Variants in CPQ observed in about 807,000 individuals in gnomAD.
CPQ encodes carboxypeptidase Q.
CPQ carries 37 observed loss-of-function variants against 45.7 expected under a neutral mutation model. The ratio of observed to expected loss-of-function variants is 0.81; its 90% CI spans 0.62 to 1.07. The LOEUF (loss-of-function observed/expected upper bound fraction) is 1.07, where lower values mean the gene tolerates loss of function less well. Ranked by LOEUF, CPQ falls within the 50% of genes least tolerant of loss-of-function variation. CPQ has a pLI of 0.00. For missense variants in CPQ, 537 were observed against 572.9 expected, an observed-to-expected ratio of 0.94 and a Z score of 0.64; for synonymous variants, 186 against 205.8, an observed-to-expected ratio of 0.90 and a Z score of 0.82.
intron 5 of CPQ, among the ~76,000 whole-genome samples, chr8:97,005,675 T>A (rs1190680160): frequency 2.0e-5 from 3 of 152,132 alleles, no homozygotes; most frequent in Non-Finnish European, 4.4e-5. Flanking sequence ...CCTAAACTAT[T>A]CTACGCAAGT....
intron 4 of CPQ, among the ~76,000 whole-genome samples, chr8:96,910,343 A>G (rs1812641929): frequency 6.6e-6 from 1 of 152,114 alleles, no homozygotes; most frequent in Non-Finnish European, 1.5e-5. Flanking sequence ...ACCCTTTGCT[A>G]CCTTTCTCCA....
chr8:96,714,804 TG>T (rs1422780604), intron 1 of CPQ, among the ~76,000 whole-genome samples: 1 of 152,164 alleles, frequency 6.6e-6, no homozygotes, highest in Non-Finnish European at 1.5e-5. Context: ...TTGATTCTAC[TG>T]TGTTTTCTTT....
intron 7 of CPQ, among the ~76,000 whole-genome samples, chr8:97,132,177 A>C (rs1187054363): frequency 6.6e-6 from 1 of 152,194 alleles, no homozygotes; most frequent in Non-Finnish European, 1.5e-5. Flanking sequence ...TGGATGTTAT[A>C]AACTCATCAG....
chr8:97,076,879 T>A (rs1223610011), intron 7 of CPQ, among the ~76,000 whole-genome samples: 1 of 152,192 alleles, frequency 6.6e-6, no homozygotes, highest in Non-Finnish European at 1.5e-5. Context: ...AATCTGCATA[T>A]AACTTTTGAC....
At chr8:96,910,613 T>G (rs1812647220) in intron 4 of CPQ, among the ~76,000 whole-genome samples, 1 of 152,166 alleles carries the variant, frequency 6.6e-6, no homozygotes, top group African/African-American at 2.4e-5. Flanking sequence ...CATGCCATTC[T>G]CCTGCCTCAG....
chr8:96,906,697 C>G (rs1812582028), intron 4 of CPQ, among the ~76,000 whole-genome samples: 1 of 152,042 alleles, frequency 6.6e-6, no homozygotes, highest in Non-Finnish European at 1.5e-5. Context: ...TATGTGTCCT[C>G]CTGTGGTGGA....
intron 2 of CPQ, among the ~76,000 whole-genome samples, chr8:96,787,834 G>GTCACTTGCTGTCAC (rs373842519): frequency 6.6e-6 from 1 of 150,534 alleles, no homozygotes; most frequent in African/African-American, 2.4e-5. Flanking sequence ...CATGTAATTT[G>GTCACTTGCTGTCAC]TTGGTATACA....
intron 1 of CPQ, among the ~76,000 whole-genome samples, chr8:96,723,612 C>A (rs1042196562): frequency 6.6e-6 from 1 of 152,062 alleles, no homozygotes; most frequent in Non-Finnish European, 1.5e-5. Context: ...TTTTTAGTAT[C>A]CTTGAGGACT....
chr8:96,967,648 G>C (rs1395813896), intron 5 of CPQ, among the ~76,000 whole-genome samples: 1 of 151,976 alleles, frequency 6.6e-6, no homozygotes, highest in Non-Finnish European at 1.5e-5. Flanking sequence ...CTTTAATTTG[G>C]GACTTAAATC....
chr8:96,786,675 C>T (rs1810772606), intron 2 of CPQ, among the ~76,000 whole-genome samples: 2 of 152,086 alleles, frequency 1.3e-5, no homozygotes, highest in Admixed American at 6.6e-5. Context: ...CATATGCTTG[C>T]CAACACTTGT....
chr8:96,975,812 C>T (rs1297949735), intron 5 of CPQ, among the ~76,000 whole-genome samples: 1 of 152,012 alleles, frequency 6.6e-6, no homozygotes. Flanking sequence ...GATTAAAACC[C>T]TGAGCAAAAT....
chr8:96,879,215 T>C (rs373665896), intron 3 of CPQ, among the ~76,000 whole-genome samples: 1 of 152,208 alleles, frequency 6.6e-6, no homozygotes, highest in Non-Finnish European at 1.5e-5. Context: ...GGCAGTAAAA[T>C]TAAAGGCCTG....
chr8:96,895,650 A>G (rs115219122), intron 4 of CPQ, among the ~76,000 whole-genome samples: 4,906 of 152,264 alleles, frequency 0.032, 123 homozygotes, highest in African/African-American at 0.057. Flanking sequence ...GGAAGAGGTT[A>G]ACATGGTTTC....
intron 1 of CPQ, among the ~76,000 whole-genome samples, chr8:96,660,244 G>T (rs1412240277): frequency 6.6e-6 from 1 of 152,084 alleles, no homozygotes; most frequent in East Asian, 1.9e-4. Flanking sequence ...CTTGCACGTG[G>T]CCATCTTTTC....
chr8:96,920,051 G>A (rs1476927784), intron 4 of CPQ, among the ~76,000 whole-genome samples: 2 of 152,194 alleles, frequency 1.3e-5, no homozygotes, highest in East Asian at 3.8e-4. Flanking sequence ...TATAAAATAT[G>A]TAAAACAGCA....
At chr8:97,051,219 CT>C (rs1403954875) in intron 6 of CPQ, among the ~76,000 whole-genome samples, 10 of 152,156 alleles carry the variant, frequency 6.6e-5, no homozygotes, top group Non-Finnish European at 1.0e-4. Context: ...CTTTGGTAAT[CT>C]GGTGAAACCT....
intron 2 of CPQ, among the ~76,000 whole-genome samples, chr8:96,805,608 T>C (rs1273536561): frequency 6.6e-6 from 1 of 152,196 alleles, no homozygotes; most frequent in Non-Finnish European, 1.5e-5. Context: ...TATGTAATGT[T>C]TGCTAAGCTA....
At chr8:96,653,727 G>T (rs577643412) in intron 1 of CPQ, among the ~76,000 whole-genome samples, 7 of 152,178 alleles carry the variant, frequency 4.6e-5, no homozygotes, top group Non-Finnish European at 4.4e-5. Flanking sequence ...TTAAGTGGAA[G>T]TGAATCACCA....
intron 1 of CPQ, among the ~76,000 whole-genome samples, chr8:96,718,731 G>A (rs376269993): frequency 2.0e-5 from 3 of 152,232 alleles, no homozygotes; most frequent in South Asian, 4.1e-4. Flanking sequence ...TTGACAGGGC[G>A]CTGATTGGTG....
Sources: gnomAD v4.1 joint callset for allele counts (sites outside exome capture counted in the v4.1 genomes callset) on GRCh38, gnomAD v4.1.1 for gene constraint, MANE v1.5 for transcripts, NCBI Gene and HGNC (gene_info 2026-07-23, HGNC 2026-07-21) for gene names.